Variants in ERI3 observed in about 807,000 individuals in gnomAD.
ERI3 encodes the protein ERI1 exoribonuclease family member 3, also known as ERI1 exoribonuclease 3.
ERI3 carries 18 observed loss-of-function variants against 44.4 expected under a neutral mutation model. The observed-to-expected ratio is 0.41, with a 90% CI of 0.28 to 0.60. ERI3 has a LOEUF of 0.60. Ranked by LOEUF, ERI3 falls within the 20% of genes least tolerant of loss-of-function variation. ERI3 has a pLI of 0.36. For missense variants in ERI3, 294 were observed against 435.5 expected (o/e 0.68, Z 2.89); for synonymous variants, 183 against 164.8 (o/e 1.11, Z -0.84).
At chr1:44,342,812 AATATATATATATATATATATATATAT>A (rs59012227) in intron 2 of ERI3, among the ~76,000 whole-genome samples, 330 of 30,912 alleles carry the variant, frequency 0.011, 6 homozygotes, top group Non-Finnish European at 0.015. Flanking sequence ...ACATCCAGCT[AATATATATATATATATATATATATAT>A]ATATATATAT....
chr1:44,241,692 G>T lies in ERI3; in HGVS notation c.931+6247C>A, dbSNP rs1369944881. On this transcript the variant is annotated intron_variant, in intron 8 of 8. Coordinates refer to ENST00000372257, the MANE Select transcript of ERI3 (RefSeq NM_024066.3). This position sits in a 1 kb window ranked among gnomAD's most constrained non-coding sequence, Gnocchi z 5.6. The stretch of plus-strand genomic sequence containing the variant: ...TCTGATTTCTTTGTCATTTAAGTCT[G>T]CGATGGTTTGACAGGAGATACAGAG... 1.3e-5 allele frequency among the ~76,000 whole-genome samples: 2 copies of T among 152,136 alleles called. No homozygotes were observed. Among genetic ancestry groups the T allele is most frequent in the African/African-American group, 4.8e-5 (2 of 41,404 alleles).
Position 44,221,711 on chromosome 1 carries a change from G to T in ERI3, c.932-71C>A. The T allele has an allele frequency of 8.0e-7, 1 of 1,255,552 alleles. No homozygotes were observed. The highest frequency in any genetic ancestry group is 1.5e-5 in the African/African-American group (1 of 67,834). The allele number at this position is 1,255,552 out of a possible 1,614,324, so 77.8% of individuals were successfully genotyped here. A position where few individuals can be genotyped will look rare whatever the true frequency, so the allele number is the denominator to read the frequency against. ...TCCATGCCCACAGGTGCTCTTACAAGGGTGGGGGTGGGAAGCAGGGTCAGA... is the reference window on the plus strand; with the variant it reads ...TCCATGCCCACAGGTGCTCTTACAATGGTGGGGGTGGGAAGCAGGGTCAGA... On this transcript the variant is annotated intron_variant, in intron 8 of 8. Coordinates refer to ENST00000372257, the MANE Select transcript of ERI3 (RefSeq NM_024066.3). The surrounding 1 kb of genome is among the most constrained non-coding windows in gnomAD (Gnocchi z 5.9).
chr1:44,242,001 G>C (rs767333489), intron 8 of ERI3: 48 of 985,482 alleles, frequency 4.9e-5, no homozygotes, highest in Non-Finnish European at 5.4e-5. Flanking sequence ...GATGTCTCTG[G>C]GGCTCCAAGG....
intron 7 of ERI3, among the ~76,000 whole-genome samples, chr1:44,277,940 A>T (rs1421075935): frequency 2.0e-5 from 3 of 152,272 alleles, no homozygotes. Flanking sequence ...ACTGTCCAAT[A>T]GAAATATAAT....
chr1:44,234,911 G>C (rs1424481949), intron 8 of ERI3, among the ~76,000 whole-genome samples: 1 of 151,998 alleles, frequency 6.6e-6, no homozygotes, highest in East Asian at 1.9e-4. Flanking sequence ...CCCGGCCTAA[G>C]AGGCCCTTTA....
At chr1:44,234,549 C>T (rs1644261175) in intron 8 of ERI3, among the ~76,000 whole-genome samples, 1 of 151,890 alleles carries the variant, frequency 6.6e-6, no homozygotes, top group Non-Finnish European at 1.5e-5. Flanking sequence ...ATCCCAGCTA[C>T]TCGGGAGGCT....
At chr1:44,336,769 C>A (rs930544144) in intron 3 of ERI3, among the ~76,000 whole-genome samples, 2 of 152,230 alleles carry the variant, frequency 1.3e-5, no homozygotes, top group African/African-American at 4.8e-5. Flanking sequence ...TTCCCGAGTT[C>A]TCTAAAGCAA....
chr1:44,313,447 G>A (rs1646015971), intron 4 of ERI3, among the ~76,000 whole-genome samples: 1 of 152,186 alleles, frequency 6.6e-6, no homozygotes, highest in African/African-American at 2.4e-5. Context: ...TGAGATGGGT[G>A]TACACATACA....
rs1035733339 is a variant in ERI3 at position 44,261,346 on chromosome 1, G to A, written c.832-13308C>T. ...CCCATTTATCAAGCTCACGCAGGCC[G>A]CCAGCCGAGCGAGTCTTTCTATCAT... On this transcript the variant is annotated intron_variant, in intron 7 of 8. Transcript: ENST00000372257. Among the ~76,000 whole-genome samples, 87 of 152,364 alleles carry A rather than the reference G, an allele frequency of 5.7e-4. 1 individual carries two copies. Among genetic ancestry groups the A allele is most frequent in the Non-Finnish European group, 6.6e-4 (45 of 68,038 alleles).
chr1:44,354,414 C>T, intron 1 of ERI3: 1 of 985,428 alleles, frequency 1.0e-6, no homozygotes, highest in Non-Finnish European at 1.2e-6. Flanking sequence ...AGTCAAGCCT[C>T]AATCCAAGTT....
intron 1 of ERI3, chr1:44,353,776 C>A: frequency 1.0e-6 from 1 of 985,420 alleles, no homozygotes; most frequent in Non-Finnish European, 1.2e-6. Context: ...TGTTAATGAG[C>A]TTTTAATTTG....
chr1:44,248,218 C>G (rs1644596086), intron 7 of ERI3, among the ~76,000 whole-genome samples, 180 bp from the exon 8 acceptor site: 3 of 152,094 alleles, frequency 2.0e-5, no homozygotes. Context: ...TCCCTTCCTT[C>G]TCCAGAGTGC....
intron 3 of ERI3, among the ~76,000 whole-genome samples, chr1:44,330,596 C>T (rs967237476): frequency 5.3e-5 from 8 of 152,224 alleles, no homozygotes; most frequent in Non-Finnish European, 1.2e-4. Context: ...GCTTTTCTGC[C>T]TGTGCCAGCC....
chr1:44,286,191 T>C (rs1409429035), intron 6 of ERI3, among the ~76,000 whole-genome samples: 4 of 152,208 alleles, frequency 2.6e-5, no homozygotes, highest in African/African-American at 9.7e-5. Flanking sequence ...AATTTTATTA[T>C]TGTTTTAAAA....
intron 3 of ERI3, among the ~76,000 whole-genome samples, chr1:44,320,849 G>A (rs1646186794): frequency 6.6e-6 from 1 of 152,140 alleles, no homozygotes; most frequent in South Asian, 2.1e-4. Flanking sequence ...AATTCTCTGA[G>A]TAAAATTAGC....
At position 44,228,906 on chromosome 1, in the gene ERI3, C is replaced by T. The variant is rs1251769977; in HGVS notation, c.932-7266G>A. On this transcript the variant is annotated intron_variant, in intron 8 of 8. Coordinates refer to ENST00000372257, the MANE Select transcript of ERI3 (RefSeq NM_024066.3). This position sits in a 1 kb window ranked among gnomAD's most constrained non-coding sequence, Gnocchi z 4.3. ...CCAAGACAAACCCTTATCCAGACTCCCAGGCCTGGCAGGACATGTCAACGT... is the reference window on the plus strand; with the variant it reads ...CCAAGACAAACCCTTATCCAGACTCTCAGGCCTGGCAGGACATGTCAACGT... Among the ~76,000 whole-genome samples, 1 of 152,230 alleles carries T rather than the reference C, an allele frequency of 6.6e-6. No individual in the cohort carries two copies. Among genetic ancestry groups the T allele is most frequent in the African/African-American group, 2.4e-5 (1 of 41,460 alleles).
At chr1:44,300,967 A>T (rs1191342341) in intron 6 of ERI3, among the ~76,000 whole-genome samples, 3 of 151,462 alleles carry the variant, frequency 2.0e-5, no homozygotes, top group African/African-American at 7.3e-5. Context: ...GCTTCACCCC[A>T]CAATGAATGG....
At chr1:44,262,600 C>T (rs1024641965) in intron 7 of ERI3, among the ~76,000 whole-genome samples, 11 of 152,204 alleles carry the variant, frequency 7.2e-5, no homozygotes, top group South Asian at 2.1e-4. Flanking sequence ...TCCCTTAGCA[C>T]GCTTGTGGCA....
intron 7 of ERI3, among the ~76,000 whole-genome samples, chr1:44,250,555 G>A (rs887246652): frequency 1.3e-5 from 2 of 152,188 alleles, no homozygotes; most frequent in Non-Finnish European, 2.9e-5. Context: ...GAGGCAACCC[G>A]GTCCCGCCTG....
Sources: allele counts gnomAD v4.1 joint callset (sites outside exome capture counted in the v4.1 genomes callset), GRCh38; gene constraint gnomAD v4.1.1; non-coding constraint Gnocchi (gnomAD v3.1); transcripts MANE v1.5; gene names NCBI Gene and HGNC (gene_info 2026-07-23, HGNC 2026-07-21).